SIPA1L3: variants seen among roughly 807,000 people sequenced by gnomAD.
SIPA1L3 encodes signal induced proliferation associated 1 like 3.
A neutral mutation model predicts 150.1 loss-of-function variants in SIPA1L3; 59 were observed. The observed-to-expected ratio is 0.39, with a 90% CI of 0.32 to 0.49. SIPA1L3 has a LOEUF of 0.49. Ranked by LOEUF, SIPA1L3 falls within the 20% of genes least tolerant of loss-of-function variation. SIPA1L3 has a pLI of 0.86. For missense variants in SIPA1L3, 2,211 were observed against 2,489.5 expected (o/e 0.89, Z 2.38); for synonymous variants, 1,070 against 1,077.6 (o/e 0.99, Z 0.14).
chr19:38,036,240 G>A (rs1222691026), intron 2 of SIPA1L3, among the ~76,000 whole-genome samples: 1 of 152,258 alleles, frequency 6.6e-6, no homozygotes, highest in Admixed American at 6.5e-5. Flanking sequence ...GGAGCCGGGA[G>A]GGCACAGCCC....
intron 1 of SIPA1L3, among the ~76,000 whole-genome samples, chr19:37,997,634 C>T (rs1967672096): frequency 6.8e-6 from 1 of 146,916 alleles, no homozygotes; most frequent in East Asian, 2.1e-4. Context: ...TTCGGGAGGC[C>T]GAGGCAGGTG....
intron 1 of SIPA1L3, among the ~76,000 whole-genome samples, chr19:38,010,848 G>A (rs1968080344): frequency 6.6e-6 from 1 of 152,104 alleles, no homozygotes; most frequent in Admixed American, 6.6e-5. Flanking sequence ...GTAATATAGG[G>A]GTAATAATAA....
chr19:38,124,921 A>G (rs28713552), intron 9 of SIPA1L3, among the ~76,000 whole-genome samples: 4,304 of 151,866 alleles, frequency 0.028, 195 homozygotes, highest in African/African-American at 0.098. Context: ...AGAATCAGGC[A>G]GGGAGGTTGC....
At chr19:38,087,402 A>T (rs1167219092) in intron 3 of SIPA1L3, among the ~76,000 whole-genome samples, 1 of 152,204 alleles carries the variant, frequency 6.6e-6, no homozygotes, top group East Asian at 1.9e-4. Context: ...ATTACCACAC[A>T]GTATTTTGCC....
intron 18 of SIPA1L3, among the ~76,000 whole-genome samples, chr19:38,196,854 A>G (rs534109200): frequency 3.9e-5 from 6 of 152,306 alleles, no homozygotes; most frequent in African/African-American, 1.2e-4. Flanking sequence ...CACATATCAC[A>G]GAGCTGAACG....
chr19:38,022,285 G>A (rs941491087), intron 1 of SIPA1L3, among the ~76,000 whole-genome samples: 4 of 152,184 alleles, frequency 2.6e-5, no homozygotes, highest in Admixed American at 2.0e-4. Context: ...AAACAGAGCC[G>A]GGAATGGTGG....
intron 1 of SIPA1L3, among the ~76,000 whole-genome samples, chr19:37,949,754 A>C (rs1385599485): frequency 1.3e-5 from 2 of 152,036 alleles, no homozygotes; most frequent in Non-Finnish European, 2.9e-5. Context: ...CCCTTTTCTC[A>C]TATGAAGCAA....
rs538790514 is a variant in SIPA1L3 at position 38,160,364 on chromosome 19, C to T, written c.3662-1889C>T. Reference sequence around the variant, plus strand: ...ACTTGGTCCAGGCATACTGACTAGGCTGGAGAGGTTAAACCAGTTGACATC... The same window carrying T: ...ACTTGGTCCAGGCATACTGACTAGGTTGGAGAGGTTAAACCAGTTGACATC... On this transcript the variant is annotated intron_variant, in intron 13 of 21. Transcript: ENST00000222345. Among the ~76,000 whole-genome samples the T allele has an allele frequency of 8.0e-5, 12 of 150,648 alleles. No homozygotes were observed. In the South Asian group the frequency reaches 2.5e-3, roughly 32 times the overall value.
chr19:38,123,996 G>T (rs548137855), intron 9 of SIPA1L3, among the ~76,000 whole-genome samples: 1 of 146,882 alleles, frequency 6.8e-6, no homozygotes, highest in African/African-American at 2.5e-5. Flanking sequence ...CCTCCCTCCC[G>T]GACGGGGCGG....
At chr19:38,115,128 C>G (rs550216196) in intron 8 of SIPA1L3, among the ~76,000 whole-genome samples, 1 of 152,182 alleles carries the variant, frequency 6.6e-6, no homozygotes, top group Admixed American at 6.6e-5. Context: ...TTATCCACCC[C>G]CAAGCCTTGA....
intron 1 of SIPA1L3, among the ~76,000 whole-genome samples, chr19:37,967,710 A>G (rs1432232309): frequency 1.3e-5 from 2 of 152,216 alleles, no homozygotes; most frequent in South Asian, 2.1e-4. Flanking sequence ...AGGGGGACAC[A>G]GTTCAACTCA....
chr19:37,939,462 A>T (rs1372723279), intron 1 of SIPA1L3, among the ~76,000 whole-genome samples: 1 of 151,846 alleles, frequency 6.6e-6, no homozygotes, highest in East Asian at 1.9e-4. Context: ...CAACAAAGTG[A>T]CAGTGGCCTA....
rs192554436 is a variant in SIPA1L3 at position 38,135,750 on chromosome 19, G to A, written c.3143+4978G>A. Among the ~76,000 whole-genome samples the A allele has an allele frequency of 3.0e-4, 46 of 152,258 alleles. No individual in the cohort carries two copies. The East Asian group carries it at 4.5e-3, about 15-fold the overall frequency. On this transcript the variant is annotated intron_variant, in intron 10 of 21. Transcript: ENST00000222345. Reference sequence around the variant, plus strand: ...GGATCTCCCGTTTGCAGGGGTGGGCGTGGGTCAGGACTTGGGTGGTTTTTG... The same window carrying A: ...GGATCTCCCGTTTGCAGGGGTGGGCATGGGTCAGGACTTGGGTGGTTTTTG...
At position 38,207,446 on chromosome 19, in the gene SIPA1L3, A is replaced by ATATT. The variant is rs1973245408; in HGVS notation, c.*1212_*1215dup. On this transcript the variant is annotated 3_prime_UTR_variant, in exon 22 of 22. Transcript: ENST00000222345. ...AAAAGATATATATATATATATATAT[A>ATATT]TATTTATTTTTTCATGTAGAGTTGG... is the stretch of plus-strand genomic sequence containing the variant. 2 of 148,040 alleles carry ATATT rather than the reference A, an allele frequency of 1.4e-5. No homozygotes were observed. Among genetic ancestry groups the ATATT allele is most frequent in the East Asian group, 4.0e-4 (2 of 5,052 alleles). 9.2% of individuals were successfully genotyped at this position (148,040 alleles called of 1,614,324 possible).
intron 5 of SIPA1L3, 21 bp from the exon 6 acceptor site, chr19:38,101,031 A>G (rs1970490175): frequency 1.3e-6 from 2 of 1,516,458 alleles, no homozygotes; most frequent in Non-Finnish European, 1.8e-6. Flanking sequence ...TGCCTCCACA[A>G]AGCCACTCTT....
At position 38,081,799 on chromosome 19, in the gene SIPA1L3, C is replaced by T. The variant is rs981072768; in HGVS notation, c.234C>T (p.Gly78=). ...SPTTPAMPKM[G]VRARVADWPP... ...CCACTCCCGCAATGCCCAAGATGGG[C>T]GTGCGCGCAAGGGTGGCCGACTGGC... Residue 78 remains glycine (G), a synonymous_variant, in exon 3 of 22, where the codon GGC becomes GGT. Coordinates refer to ENST00000222345, the MANE Select transcript of SIPA1L3 (RefSeq NM_015073.3). 9.3e-6 allele frequency: 15 copies of T among 1,612,840 alleles called. No individual in the cohort carries two copies. The highest frequency in any genetic ancestry group is 1.3e-5 in the Non-Finnish European group (15 of 1,179,708).
At chr19:38,086,518 A>G (rs1025983404) in intron 3 of SIPA1L3, among the ~76,000 whole-genome samples, 1 of 152,206 alleles carries the variant, frequency 6.6e-6, no homozygotes, top group South Asian at 2.1e-4. Context: ...TGAGACCTCA[A>G]AAAAAGGTTA....
chr19:37,928,361 A>C (rs2046524840), intron 1 of SIPA1L3, among the ~76,000 whole-genome samples: 1 of 152,140 alleles, frequency 6.6e-6, no homozygotes, highest in African/African-American at 2.4e-5. Flanking sequence ...ATTTGAGGCC[A>C]GGAGTTCGAG....
chr19:38,198,567 A>C, intron 19 of SIPA1L3, 35 bp downstream of exon 19: 1 of 1,460,466 alleles, frequency 6.8e-7, no homozygotes, highest in South Asian at 1.5e-5. Flanking sequence ...CCAGGCCCCC[A>C]CCCCGTCCTC....
Sources: allele counts gnomAD v4.1 joint callset (sites outside exome capture counted in the v4.1 genomes callset), GRCh38; gene constraint gnomAD v4.1.1; transcripts MANE v1.5; gene names NCBI Gene and HGNC (gene_info 2026-07-23, HGNC 2026-07-21).